Variants in FRAS1 observed in about 807,000 individuals in gnomAD.
The protein encoded by FRAS1 is Fraser extracellular matrix complex subunit 1, also known as extracellular matrix organizing protein FRAS1.
FRAS1 carries 290 observed loss-of-function variants against 435.2 expected under a neutral mutation model. The observed-to-expected ratio is 0.67, with a 90% CI of 0.61 to 0.73. The LOEUF (loss-of-function observed/expected upper bound fraction) is 0.73, where lower values mean the gene tolerates loss of function less well. Ranked by LOEUF, FRAS1 falls within the 30% of genes least tolerant of loss-of-function variation. The probability of loss-of-function intolerance (pLI) is 0.00; values close to 1 mark genes in which losing one functional copy is unlikely to be tolerated. For synonymous variants in FRAS1, 1,800 were observed against 1,851.0 expected, an observed-to-expected ratio of 0.97 and a Z score of 0.71; for missense variants, 4,860 against 5,001.5, an observed-to-expected ratio of 0.97 and a Z score of 0.85.
intron 20 of FRAS1, among the ~76,000 whole-genome samples, chr4:78,340,768 G>C (rs1160261430): frequency 3.3e-5 from 5 of 152,190 alleles, no homozygotes; most frequent in Non-Finnish European, 5.9e-5. Flanking sequence ...ACTCTCCTTA[G>C]CTTGTAGATG....
At chr4:78,379,523 G>C in intron 26 of FRAS1, 1 of 562,042 alleles carries the variant, frequency 1.8e-6, no homozygotes, top group South Asian at 2.4e-5. Context: ...AGAGCGAGCT[G>C]ACGGTTGTGG....
At chr4:78,118,938 T>C (rs1718842485) in intron 2 of FRAS1, among the ~76,000 whole-genome samples, 1 of 152,232 alleles carries the variant, frequency 6.6e-6, no homozygotes, top group Non-Finnish European at 1.5e-5. Flanking sequence ...ACTGGAGCTG[T>C]TCCTATTCAG....
intron 20 of FRAS1, among the ~76,000 whole-genome samples, chr4:78,354,146 C>T (rs532169443): frequency 4.6e-5 from 7 of 152,002 alleles, no homozygotes; most frequent in Non-Finnish European, 7.4e-5. Context: ...CACTGCCACT[C>T]GCCACCTCCC....
intron 45 of FRAS1, 146 bp downstream of exon 45, chr4:78,450,485 A>ATTT: frequency 1.9e-5 from 11 of 565,442 alleles, no homozygotes; most frequent in Admixed American, 3.4e-5. Flanking sequence ...TTGTTTTCTT[A>ATTT]TTTTTTTTTT....
At chr4:78,198,269 C>T (rs1722904924) in intron 2 of FRAS1, among the ~76,000 whole-genome samples, 1 of 152,226 alleles carries the variant, frequency 6.6e-6, no homozygotes, top group Admixed American at 6.5e-5. Context: ...CAGCCTCTAG[C>T]CCTGCAGATG....
intron 14 of FRAS1, among the ~76,000 whole-genome samples, chr4:78,296,260 T>A (rs1027717627): frequency 5.5e-4 from 84 of 151,914 alleles, no homozygotes; most frequent in African/African-American, 1.7e-3. Context: ...TGTTTGTACT[T>A]TTTTCTATTA....
intron 2 of FRAS1, among the ~76,000 whole-genome samples, chr4:78,073,793 G>A (rs1740483776): frequency 1.3e-5 from 2 of 152,140 alleles, no homozygotes; most frequent in Admixed American, 1.3e-4. Context: ...AGTTACAAAT[G>A]TCTGAAGAAA....
intron 2 of FRAS1, among the ~76,000 whole-genome samples, chr4:78,127,447 C>G (rs1358679371): frequency 6.6e-6 from 1 of 152,144 alleles, no homozygotes. Context: ...GCCTGGATAA[C>G]AGATTGGATG....
Position 78,363,640 on chromosome 4 carries a change from C to G in FRAS1, c.2550C>G (p.Tyr850Ter). 1 of 1,598,104 alleles carries G rather than the reference C, an allele frequency of 6.3e-7. No homozygotes were observed. The highest frequency in any genetic ancestry group is 1.3e-5 in the African/African-American group (1 of 74,680). ...DHCVPDCPSGYYAERGACKKC... is the reference protein window; with the variant it reads ...DHCVPDCPSG ...GTGTTCCTGACTGCCCTTCAGGATA[C>G]TATGCAGAGAGAGGAGCTTGTAAAA... is the stretch of plus-strand genomic sequence containing the variant. The change falls in exon 21 of 74, where the codon TAC (tyrosine) becomes TAG (stop). Residue 850 changes from tyrosine (Y) to a stop codon, truncating the protein, a stop_gained. Transcript: ENST00000512123. LOFTEE classifies it high-confidence loss of function.
intron 18 of FRAS1, among the ~76,000 whole-genome samples, chr4:78,331,579 G>T (rs1729952985): frequency 6.6e-6 from 1 of 152,152 alleles, no homozygotes; most frequent in Non-Finnish European, 1.5e-5. Flanking sequence ...CTTATTAGGG[G>T]TTGGTGGCAA....
At chr4:78,217,020 A>T (rs1395199903) in intron 2 of FRAS1, among the ~76,000 whole-genome samples, 2 of 152,182 alleles carry the variant, frequency 1.3e-5, no homozygotes, top group Non-Finnish European at 2.9e-5. Flanking sequence ...ATGTGTTTTT[A>T]GGATGATGTG....
chr4:78,260,945 C>A (rs936228630), intron 6 of FRAS1, among the ~76,000 whole-genome samples: 1 of 152,008 alleles, frequency 6.6e-6, no homozygotes, highest in African/African-American at 2.4e-5. Context: ...AGACTGTATT[C>A]CAGTTTTTGA....
At chr4:78,504,132 C>G (rs1720761576) in intron 61 of FRAS1, among the ~76,000 whole-genome samples, 1 of 152,128 alleles carries the variant, frequency 6.6e-6, no homozygotes, top group Non-Finnish European at 1.5e-5. Flanking sequence ...TACTTTACTT[C>G]CAATTATGTG....
chr4:78,513,476 A>G lies in FRAS1; in HGVS notation c.10098A>G (p.Leu3366=). The change falls in exon 65 of 74, where the codon CTA becomes CTG. Residue 3366 remains leucine (L), a synonymous_variant. Transcript: ENST00000512123. ...STMPLHNLHF[L]LSESIYRHQH... The stretch of plus-strand genomic sequence containing the variant: ...TGCCGTTGCACAACTTACATTTTCT[A>G]CTGTCTGAGTCCATCTACAGACACC... 5 of 1,613,704 alleles carry G rather than the reference A, an allele frequency of 3.1e-6. No individual in the cohort carries two copies. Among genetic ancestry groups the G allele is most frequent in the Non-Finnish European group, 4.2e-6 (5 of 1,179,726 alleles).
chr4:78,487,362 C>T (rs1720202130), intron 58 of FRAS1, among the ~76,000 whole-genome samples: 3 of 152,186 alleles, frequency 2.0e-5, no homozygotes, highest in Non-Finnish European at 2.9e-5. Context: ...TGTACATTGA[C>T]TTGGAGAATG....
chr4:78,265,117 T>G lies in FRAS1; in HGVS notation c.687+9T>G. ...CTGGCCAAGTATACGAGGTAAGCTT[T>G]CATGCTCCCCATGTAGGTGTTTTGA... is the stretch of plus-strand genomic sequence containing the variant. On this transcript the variant is annotated intron_variant, in intron 7 of 73. Coordinates refer to ENST00000512123, the MANE Select transcript of FRAS1 (RefSeq NM_025074.7). 6.3e-7 allele frequency: 1 copy of G among 1,599,800 alleles called. No individual in the cohort carries two copies. The highest frequency in any genetic ancestry group is 8.6e-7 in the Non-Finnish European group (1 of 1,168,966).
intron 2 of FRAS1, among the ~76,000 whole-genome samples, chr4:78,216,208 A>G (rs1461748110): frequency 1.3e-5 from 2 of 152,246 alleles, no homozygotes; most frequent in Non-Finnish European, 1.5e-5. Flanking sequence ...GTTCTTTCCC[A>G]TGAAATGGTT....
At chr4:78,286,377 C>G (rs764009283) in intron 13 of FRAS1, 28 bp from the exon 14 acceptor site, 2 of 1,612,306 alleles carry the variant, frequency 1.2e-6, no homozygotes, top group Non-Finnish European at 1.7e-6. Flanking sequence ...TGGTTCCTTT[C>G]TCTTTCTTCA....
intron 51 of FRAS1, among the ~76,000 whole-genome samples, chr4:78,471,500 A>G (rs771898258): frequency 3.9e-5 from 6 of 151,900 alleles, no homozygotes; most frequent in Non-Finnish European, 5.9e-5. Context: ...TCTACCCCCT[A>G]CTCCTACTCT....
Sources: allele counts gnomAD v4.1 joint callset (sites outside exome capture counted in the v4.1 genomes callset), GRCh38; gene constraint gnomAD v4.1.1; transcripts MANE v1.5; gene names NCBI Gene and HGNC (gene_info 2026-07-23, HGNC 2026-07-21).